Variants in DCDC1 observed in about 807,000 individuals in gnomAD.
The protein encoded by DCDC1 is doublecortin domain containing 1, also known as doublecortin domain-containing protein 1.
Under a neutral mutation model 178.3 loss-of-function variants are expected in DCDC1, and 200 were observed. The ratio of observed to expected loss-of-function variants is 1.12; its 90% CI spans 1.00 to 1.26. The LOEUF is 1.26. Among genes scored for constraint, DCDC1 ranks in the 50% most tolerant of loss-of-function variants. The pLI is 0.00. For missense variants in DCDC1, 1,983 were observed against 1,749.2 expected, an observed-to-expected ratio of 1.13 and a Z score of -2.38; for synonymous variants, 690 against 604.8, an observed-to-expected ratio of 1.14 and a Z score of -2.07.
intron 9 of DCDC1, among the ~76,000 whole-genome samples, chr11:31,165,154 C>T (rs547468914): frequency 6.6e-6 from 1 of 152,148 alleles, no homozygotes; most frequent in Non-Finnish European, 1.5e-5. Flanking sequence ...CTTTCCAAAA[C>T]AACAGTATAT....
At chr11:30,888,098 A>AAGAAAAAGAAAG (rs1254212107) in intron 36 of DCDC1, among the ~76,000 whole-genome samples, 66 of 105,488 alleles carry the variant, frequency 6.3e-4, no homozygotes, top group Non-Finnish European at 9.9e-4. Flanking sequence ...GAAAGAAAGA[A>AAGAAAAAGAAAG]AAAGAAAGAA....
At chr11:31,160,402 A>G (rs1297235130) in intron 9 of DCDC1, among the ~76,000 whole-genome samples, 2 of 152,220 alleles carry the variant, frequency 1.3e-5, no homozygotes, top group Non-Finnish European at 2.9e-5. Flanking sequence ...ACTTTATGCT[A>G]TATAAATGTT....
At chr11:31,065,189 C>A in intron 18 of DCDC1, 36 bp from the exon 19 acceptor site, 2 of 677,124 alleles carry the variant, frequency 3.0e-6, no homozygotes, top group Non-Finnish European at 2.6e-6. Context: ...TAGTATCACC[C>A]TTATAAACAA....
At chr11:30,934,024 C>A (rs1399814164) in intron 21 of DCDC1, among the ~76,000 whole-genome samples, 2 of 152,168 alleles carry the variant, frequency 1.3e-5, no homozygotes, top group Non-Finnish European at 2.9e-5. Context: ...TTAACGCAAG[C>A]CTGTTTCCCA....
At chr11:30,888,046 GAAAGAAAGAAAGAA>G in intron 36 of DCDC1, among the ~76,000 whole-genome samples, 2 of 74,236 alleles carry the variant, frequency 2.7e-5, no homozygotes, top group Non-Finnish European at 5.4e-5. Context: ...AAGAAAGAAA[GAAAGAAAGAAAGAA>G]AGAGAGAGAG....
At chr11:31,152,297 G>C (rs1359079733) in intron 9 of DCDC1, among the ~76,000 whole-genome samples, 2 of 152,156 alleles carry the variant, frequency 1.3e-5, no homozygotes, top group South Asian at 4.1e-4. Context: ...TTCCATTGGA[G>C]AGAGCTTAGT....
At chr11:31,144,346 T>C (rs149847479) in intron 9 of DCDC1, among the ~76,000 whole-genome samples, 1 of 152,210 alleles carries the variant, frequency 6.6e-6, no homozygotes, top group East Asian at 1.9e-4. Context: ...TTTCACCATG[T>C]TGCTCAGGCA....
At position 31,250,419 on chromosome 11, in the gene DCDC1, TAC is replaced by T. The variant is rs1251340241; in HGVS notation, c.1055-8805_1055-8804del. On this transcript the variant is annotated intron_variant, in intron 8 of 38. Transcript: ENST00000684477. ...ACACACACACACACACACACACATA[TAC>T]ATATATATGTATATATATATATATC... Among the ~76,000 whole-genome samples, 90 of 104,196 alleles carry T rather than the reference TAC, an allele frequency of 8.6e-4. 2 individuals carry two copies. The highest frequency in any genetic ancestry group is 4.1e-3 in the South Asian group (11 of 2,652). The allele number at this position is 104,196 out of a possible 152,430, so 68.4% of individuals were successfully genotyped here.
chr11:31,178,516 A>T (rs1968364666), intron 9 of DCDC1, among the ~76,000 whole-genome samples: 1 of 152,230 alleles, frequency 6.6e-6, no homozygotes. Context: ...AAAAATAGAC[A>T]AATGAAATTA....
intron 9 of DCDC1, among the ~76,000 whole-genome samples, chr11:31,177,904 T>C (rs540983701): frequency 1.3e-5 from 2 of 152,092 alleles, no homozygotes; most frequent in East Asian, 1.9e-4. Flanking sequence ...AAAGGAGAGA[T>C]AAACTGCAAT....
At chr11:31,276,863 T>C (rs1286563952) in intron 7 of DCDC1, among the ~76,000 whole-genome samples, 1 of 152,178 alleles carries the variant, frequency 6.6e-6, no homozygotes, top group South Asian at 2.1e-4. Context: ...TTTGGTATTT[T>C]ATTTTTAGAA....
chr11:31,333,449 A>T (rs1004036481), intron 2 of DCDC1, among the ~76,000 whole-genome samples: 1 of 152,104 alleles, frequency 6.6e-6, no homozygotes, highest in African/African-American at 2.4e-5. Context: ...TTTGCCCATT[A>T]GTTGCTGCAG....
chr11:30,900,142 GA>G (rs1237298535), intron 33 of DCDC1, among the ~76,000 whole-genome samples: 1 of 152,012 alleles, frequency 6.6e-6, no homozygotes, highest in Admixed American at 6.5e-5. Context: ...ATTCCAGTAA[GA>G]AAAAAACAGG....
chr11:30,996,963 A>G (rs1951308478), intron 20 of DCDC1, among the ~76,000 whole-genome samples: 1 of 152,212 alleles, frequency 6.6e-6, no homozygotes, highest in African/African-American at 2.4e-5. Flanking sequence ...TTGAACACAT[A>G]AATTTTGATA....
chr11:30,926,839 G>C (rs1401140294), intron 22 of DCDC1, among the ~76,000 whole-genome samples: 2 of 152,174 alleles, frequency 1.3e-5, no homozygotes, highest in African/African-American at 4.8e-5. Flanking sequence ...GTCCATGCCA[G>C]TAATCCCAGC....
chr11:31,261,300 T>A (rs1413669066), intron 8 of DCDC1, among the ~76,000 whole-genome samples: 1 of 152,156 alleles, frequency 6.6e-6, no homozygotes, highest in Non-Finnish European at 1.5e-5. Flanking sequence ...TTAGGTAGTA[T>A]TGTGGTTTTA....
intron 20 of DCDC1, among the ~76,000 whole-genome samples, chr11:31,037,031 T>A (rs761450247): frequency 6.6e-6 from 1 of 152,186 alleles, no homozygotes; most frequent in Non-Finnish European, 1.5e-5. Context: ...GTATTTAAAC[T>A]GAAGCAGCCT....
chr11:31,022,447 A>G (rs1049540650), intron 20 of DCDC1, among the ~76,000 whole-genome samples: 1 of 152,080 alleles, frequency 6.6e-6, no homozygotes, highest in Non-Finnish European at 1.5e-5. Context: ...AATTGATTAT[A>G]TCTGCAAATA....
chr11:31,354,719 G>A (rs1273571614), intron 1 of DCDC1, among the ~76,000 whole-genome samples: 1 of 152,098 alleles, frequency 6.6e-6, no homozygotes, highest in Non-Finnish European at 1.5e-5. Flanking sequence ...AATGATTTAG[G>A]AAGAAAGGAA....
Sources: gnomAD v4.1 joint callset for allele counts (sites outside exome capture counted in the v4.1 genomes callset) on GRCh38, gnomAD v4.1.1 for gene constraint, MANE v1.5 for transcripts, NCBI Gene and HGNC (gene_info 2026-07-23, HGNC 2026-07-21) for gene names.